TRPM3: variants seen among roughly 807,000 people sequenced by gnomAD.
TRPM3 encodes long transient receptor potential channel 3.
Under a neutral mutation model 181.2 loss-of-function variants are expected in TRPM3, and 77 were observed. That is an observed-to-expected ratio of 0.42 (90% CI 0.35 to 0.51). The LOEUF (loss-of-function observed/expected upper bound fraction) is 0.51, where lower values mean the gene tolerates loss of function less well. Among genes scored for constraint, TRPM3 ranks in the 20% least tolerant of loss-of-function variants. The pLI, the probability that TRPM3 is intolerant of heterozygous loss-of-function variation, is 0.01. For synonymous variants in TRPM3, 745 were observed against 796.4 expected (o/e 0.94, Z 1.09); for missense variants, 1,759 against 2,196.7 (o/e 0.80, Z 3.98).
intron 1 of TRPM3, among the ~76,000 whole-genome samples, chr9:71,327,446 G>A (rs1180883031): frequency 6.6e-6 from 1 of 152,048 alleles, no homozygotes; most frequent in Admixed American, 6.5e-5. Context: ...GTTTTCCAGG[G>A]ATATAGAGAA....
At chr9:71,081,835 T>G (rs143711271) in intron 1 of TRPM3, among the ~76,000 whole-genome samples, 2 of 152,330 alleles carry the variant, frequency 1.3e-5, no homozygotes, top group Non-Finnish European at 2.9e-5. Context: ...AATGAAAGTG[T>G]ACAAACATCT....
At chr9:70,628,096 G>A (rs1056511159) in intron 12 of TRPM3, among the ~76,000 whole-genome samples, 1 of 152,144 alleles carries the variant, frequency 6.6e-6, no homozygotes, top group African/African-American at 2.4e-5. Flanking sequence ...ATTATTTTGG[G>A]GCAGGCTAAC....
At chr9:71,172,696 C>T (rs1360818384) in intron 1 of TRPM3, among the ~76,000 whole-genome samples, 1 of 152,106 alleles carries the variant, frequency 6.6e-6, no homozygotes, top group African/African-American at 2.4e-5. Flanking sequence ...CAGAGGGAAA[C>T]AATAAAAGCT....
Position 70,917,037 on chromosome 9 carries a change from G to GTA in TRPM3, c.178-52528_178-52527dup, listed in dbSNP as rs2096602961. ...ACAAGGTGAGTGGGTATAGAGACTG[G>GTA]TATGTCGCTAAGGCAAGAAAAATAG... is the stretch of plus-strand genomic sequence containing the variant. On this transcript the variant is annotated intron_variant, in intron 1 of 25. Coordinates refer to ENST00000677713, the MANE Select transcript of TRPM3 (RefSeq NM_001366145.2). The GTA allele has an allele frequency of 3.2e-6, 5 of 1,580,904 alleles. No homozygotes were observed. The East Asian group carries it at 1.1e-4, about 35-fold the overall frequency.
chr9:71,031,412 T>C (rs1435462086), intron 1 of TRPM3, among the ~76,000 whole-genome samples: 1 of 152,142 alleles, frequency 6.6e-6, no homozygotes, highest in Non-Finnish European at 1.5e-5. Context: ...ATCAACTTCT[T>C]CATTTATAAT....
At chr9:71,279,049 AT>A (rs373753608) in intron 1 of TRPM3, among the ~76,000 whole-genome samples, 21,993 of 130,198 alleles carry the variant, frequency 0.17, 4,527 homozygotes, top group Non-Finnish European at 0.2. Context: ...AAAAATAAAA[AT>A]AAAAATAAAA....
chr9:70,535,322 A>T lies in TRPM3; in HGVS notation c.*631T>A. ...GGCACCAGAAGTGAATAGATAAGAG[A>T]CAGGTGAACTATGACTGTTACCTTG... On this transcript the variant is annotated 3_prime_UTR_variant, in exon 26 of 26. Transcript: ENST00000677713. 8.0e-7 allele frequency: 1 copy of T among 1,250,342 alleles called. No individual in the cohort carries two copies. The highest frequency in any genetic ancestry group is 2.5e-5 in the East Asian group (1 of 39,508). The allele number at this position is 1,250,342 out of a possible 1,614,324, so 77.5% of individuals were successfully genotyped here. A position where few individuals can be genotyped will look rare whatever the true frequency, so the allele number is the denominator to read the frequency against.
At chr9:71,080,962 A>G (rs1057078228) in intron 1 of TRPM3, among the ~76,000 whole-genome samples, 1 of 152,088 alleles carries the variant, frequency 6.6e-6, no homozygotes, top group African/African-American at 2.4e-5. Context: ...ACATTCTGGA[A>G]TCAACTGTGT....
intron 1 of TRPM3, among the ~76,000 whole-genome samples, chr9:71,163,020 A>G (rs543106491): frequency 6.6e-6 from 1 of 152,302 alleles, no homozygotes; most frequent in South Asian, 2.1e-4. Flanking sequence ...AATAGATCTC[A>G]GAAAGTGAAA....
intron 8 of TRPM3, among the ~76,000 whole-genome samples, chr9:70,699,555 C>T (rs2134646715): frequency 6.6e-6 from 1 of 152,246 alleles, no homozygotes; most frequent in Non-Finnish European, 1.5e-5. Flanking sequence ...AGGCCTTGAG[C>T]CAGGCACTTT....
In TRPM3 at chr9:70,668,387, G is replaced by A. The variant is rs147035065; in HGVS notation, c.1345+13119C>T. Among the ~76,000 whole-genome samples the A allele has an allele frequency of 9.5e-4, 144 of 152,202 alleles. No homozygotes were observed. The East Asian group carries it at 0.025, about 26-fold the overall frequency. On this transcript the variant is annotated intron_variant, in intron 9 of 25. Coordinates refer to ENST00000677713, the MANE Select transcript of TRPM3 (RefSeq NM_001366145.2). ...TTAGAAACATAGTAACTTCTGGGCCGGGCGCGGTGGCTCACGCCTGTAATC... is the reference window on the plus strand; with the variant it reads ...TTAGAAACATAGTAACTTCTGGGCCAGGCGCGGTGGCTCACGCCTGTAATC...
rs534370366 is a variant in TRPM3 at position 70,649,945 on chromosome 9, G to A, written c.1346-9285C>T. On this transcript the variant is annotated intron_variant, in intron 9 of 25. Coordinates refer to ENST00000677713, the MANE Select transcript of TRPM3 (RefSeq NM_001366145.2). ...ATGGTGAATTGGATAAAGAAAATAC[G>A]GTATATATACACAATGGAATATTAC... Among the ~76,000 whole-genome samples, 23 of 152,132 alleles carry A rather than the reference G, an allele frequency of 1.5e-4. No individual in the cohort carries two copies. The East Asian group carries it at 1.5e-3, about 10-fold the overall frequency.
At chr9:71,370,782 A>G (rs2092484278) in intron 1 of TRPM3, among the ~76,000 whole-genome samples, 3 of 152,244 alleles carry the variant, frequency 2.0e-5, no homozygotes, top group South Asian at 4.1e-4. Context: ...GCAGCCTTCT[A>G]TTGGAAGAAG....
intron 1 of TRPM3, among the ~76,000 whole-genome samples, chr9:70,900,855 T>C (rs10868926): frequency 0.39 from 58,647 of 152,136 alleles, 12,690 homozygotes; most frequent in Non-Finnish European, 0.48. Flanking sequence ...AAGCAGGTAG[T>C]CACAATACTA....
chr9:71,377,339 C>A (rs1022825018), intron 1 of TRPM3, among the ~76,000 whole-genome samples: 6 of 152,060 alleles, frequency 3.9e-5, no homozygotes, highest in African/African-American at 1.2e-4. Flanking sequence ...CAAACACAAT[C>A]ATTTCAGGCA....
intron 1 of TRPM3, among the ~76,000 whole-genome samples, chr9:71,360,247 G>A (rs954549943): frequency 6.6e-5 from 10 of 152,126 alleles, no homozygotes; most frequent in African/African-American, 2.4e-4. Flanking sequence ...TCAGGAGTCA[G>A]GAGTCCAGTT....
intron 1 of TRPM3, among the ~76,000 whole-genome samples, chr9:71,074,863 A>G (rs1309863984): frequency 1.3e-5 from 2 of 152,178 alleles, no homozygotes; most frequent in African/African-American, 4.8e-5. Context: ...AACTTGAAAT[A>G]ACCCTTTTTA....
chr9:71,201,591 C>T (rs1565335606), intron 1 of TRPM3, among the ~76,000 whole-genome samples: 1 of 152,130 alleles, frequency 6.6e-6, no homozygotes. Context: ...TCTTTTTTCT[C>T]TAAACTTCCC....
intron 1 of TRPM3, among the ~76,000 whole-genome samples, chr9:71,344,054 A>G (rs556661369): frequency 8.6e-6 from 1 of 116,522 alleles, no homozygotes. Context: ...TTAGATTGAT[A>G]GATAGATAAA....
Sources: allele counts gnomAD v4.1 joint callset (sites outside exome capture counted in the v4.1 genomes callset), GRCh38; gene constraint gnomAD v4.1.1; transcripts MANE v1.5; gene names NCBI Gene and HGNC (gene_info 2026-07-23, HGNC 2026-07-21).